The following TENM2 variants were observed in gnomAD, a reference collection of about 807,000 sequenced individuals.
TENM2 encodes teneurin transmembrane protein 2, also known as teneurin-2.
In TENM2, 52 loss-of-function variants were observed where a neutral mutation model predicts 245.2. The observed-to-expected ratio is 0.21, with a 90% CI of 0.17 to 0.27. The LOEUF (loss-of-function observed/expected upper bound fraction) is 0.27. Among genes scored for constraint, TENM2 ranks in the 10% least tolerant of loss-of-function variants. The pLI is 1.00. For missense variants in TENM2, 3,046 were observed against 3,666.8 expected (o/e 0.83, Z 4.37); for synonymous variants, 1,363 against 1,438.9 (o/e 0.95, Z 1.19).
Position 167,470,454 on chromosome 5 carries a change from C to CTTTTTTTTTTTTTTTTTTTTT in TENM2, c.502+94983_502+95003dup, listed in dbSNP as rs749016436. 7.2e-4 allele frequency among the ~76,000 whole-genome samples: 34 copies of CTTTTTTTTTTTTTTTTTTTTT among 47,398 alleles called. 6 individuals are homozygous for CTTTTTTTTTTTTTTTTTTTTT. The highest frequency in any genetic ancestry group is 2.4e-3 in the East Asian group (3 of 1,254). 31.1% of individuals were successfully genotyped at this position (47,398 alleles called of 152,430 possible). A position where few individuals can be genotyped will look rare whatever the true frequency, so the allele number is the denominator to read the frequency against. On this transcript the variant is annotated intron_variant, in intron 2 of 28. Coordinates refer to ENST00000518659, the Ensembl canonical transcript of TENM2. Reference sequence around the variant, plus strand: ...TACAGAGAGGTATGGGCAATGCTTGCTTTTTTTTTTTTTTTTTTTTTTGCT... The same window carrying CTTTTTTTTTTTTTTTTTTTTT: ...TACAGAGAGGTATGGGCAATGCTTGCTTTTTTTTTTTTTTTTTTTTTTTTTTTTTTTTTTTTTTTTTTTGCT...
chr5:167,102,690 G>A, the TENM2 span, among the ~76,000 whole-genome samples: 1 of 152,186 alleles, frequency 6.6e-6, no homozygotes, highest in East Asian at 1.9e-4. Flanking sequence ...ACATAGCCTC[G>A]CTCTGTTGCT....
chr5:167,458,798 G>GA (rs1766103713), intron 2 of TENM2, among the ~76,000 whole-genome samples: 1 of 152,208 alleles, frequency 6.6e-6, no homozygotes, highest in Admixed American at 6.5e-5. Flanking sequence ...TCACTGATGA[G>GA]AAAAAGAAGT....
chr5:167,177,006 C>G, the TENM2 span, among the ~76,000 whole-genome samples: 4 of 152,144 alleles, frequency 2.6e-5, no homozygotes, highest in African/African-American at 9.7e-5. Flanking sequence ...TTCCAAGTTC[C>G]CAGTATTGCT....
chr5:167,528,678 C>T (rs917083574), intron 2 of TENM2, among the ~76,000 whole-genome samples: 4 of 152,084 alleles, frequency 2.6e-5, no homozygotes, highest in South Asian at 2.1e-4. Context: ...ATACACTGTA[C>T]GGTGCTTAGC....
chr5:167,362,804 G>A (rs1195647436), intron 1 of TENM2, among the ~76,000 whole-genome samples: 1 of 152,080 alleles, frequency 6.6e-6, no homozygotes, highest in Non-Finnish European at 1.5e-5. Flanking sequence ...GGCAGAATAA[G>A]CTGAAAATAG....
At chr5:167,229,054 G>A in the TENM2 span, among the ~76,000 whole-genome samples, 2 of 152,202 alleles carry the variant, frequency 1.3e-5, no homozygotes, top group African/African-American at 2.4e-5. Context: ...ACCCGAAGAT[G>A]TATCTGTTGT....
At chr5:168,127,964 T>C (rs537251560) in intron 12 of TENM2, among the ~76,000 whole-genome samples, 1 of 152,174 alleles carries the variant, frequency 6.6e-6, no homozygotes, top group African/African-American at 2.4e-5. Context: ...CAGTCACAGA[T>C]GGGCCACCTG....
intron 1 of TENM2, among the ~76,000 whole-genome samples, chr5:167,348,040 G>A (rs540002370): frequency 6.6e-5 from 10 of 152,282 alleles, no homozygotes; most frequent in African/African-American, 2.4e-4. Context: ...GCAGGCAAGG[G>A]AATGTTCCCA....
At chr5:167,401,812 G>A (rs1420232572) in intron 2 of TENM2, among the ~76,000 whole-genome samples, 2 of 152,076 alleles carry the variant, frequency 1.3e-5, no homozygotes, top group African/African-American at 4.8e-5. Flanking sequence ...TTGTATTATT[G>A]TTGGATAGTT....
At chr5:167,102,946 C>A in the TENM2 span, among the ~76,000 whole-genome samples, 1 of 152,184 alleles carries the variant, frequency 6.6e-6, no homozygotes, top group Non-Finnish European at 1.5e-5. Flanking sequence ...AGGCATGAGC[C>A]ACCATGCCTG....
the TENM2 span, among the ~76,000 whole-genome samples, chr5:167,122,691 G>A: frequency 1.3e-5 from 2 of 152,144 alleles, no homozygotes; most frequent in Non-Finnish European, 2.9e-5. Context: ...GGTCAGCATC[G>A]TAGCTAATTG....
intron 2 of TENM2, among the ~76,000 whole-genome samples, chr5:167,820,062 A>T (rs1328369285): frequency 6.6e-6 from 1 of 152,116 alleles, no homozygotes; most frequent in East Asian, 1.9e-4. Flanking sequence ...GCATTTCCCA[A>T]ACTGTTATCT....
intron 13 of TENM2, among the ~76,000 whole-genome samples, chr5:168,176,114 A>G (rs10045434): frequency 0.016 from 2,446 of 152,208 alleles, 57 homozygotes; most frequent in African/African-American, 0.055. Context: ...CTCCACTCAG[A>G]TCATGCCAAC....
intron 2 of TENM2, among the ~76,000 whole-genome samples, chr5:167,836,317 A>G (rs762469778): frequency 1.3e-5 from 2 of 152,188 alleles, no homozygotes; most frequent in Non-Finnish European, 2.9e-5. Flanking sequence ...GGAGTTAACA[A>G]ACAGTCCCAT....
rs182000568 is a variant in TENM2, at chr5:167,331,662, T to C, written c.227-43536T>C. ...ATATTTTGAAAGAGTGTGAATACAA[T>C]GATGGCAAATGCAACTCTTCAAGAG... On this transcript the variant is annotated intron_variant, in intron 1 of 28. Coordinates refer to ENST00000518659, the Ensembl canonical transcript of TENM2. 1.5e-4 allele frequency among the ~76,000 whole-genome samples: 23 copies of C among 152,242 alleles called. No homozygotes were observed. In the East Asian group the frequency reaches 3.3e-3, roughly 22 times the overall value.
Position 167,592,047 on chromosome 5 carries a change from C to T in TENM2, c.502+216574C>T, listed in dbSNP as rs144479318. 3.5e-3 allele frequency among the ~76,000 whole-genome samples: 535 copies of T among 152,258 alleles called. 2 individuals are homozygous for T. Among genetic ancestry groups the T allele is most frequent in the Admixed American group, 8.6e-3 (132 of 15,296 alleles). On this transcript the variant is annotated intron_variant, in intron 2 of 28. Coordinates refer to ENST00000518659, the Ensembl canonical transcript of TENM2. ...TGGGTATTCCATGCCACAGTATACA[C>T]CAATACAGAATGAGGACAAGCGTTC... is the stretch of plus-strand genomic sequence containing the variant.
intron 2 of TENM2, among the ~76,000 whole-genome samples, chr5:167,832,531 G>A (rs1768594470): frequency 6.6e-6 from 1 of 152,240 alleles, no homozygotes; most frequent in African/African-American, 2.4e-5. Flanking sequence ...CGATGTTTAT[G>A]TAAGATGTTA....
At position 168,124,839 on chromosome 5, in the gene TENM2, G is replaced by GT. The variant is rs746185351; in HGVS notation, c.2009-4dup. 6.9e-6 allele frequency: 11 copies of GT among 1,599,180 alleles called. No homozygotes were observed. Among genetic ancestry groups the GT allele is most frequent in the South Asian group, 1.1e-5 (1 of 88,114 alleles). On this transcript the variant is annotated splice_polypyrimidine_tract_variant and intron_variant, in intron 10 of 28. Transcript: ENST00000518659. ...CTTTTATTCTTTGGTTTTTGTTTTT[G>GT]TTTTTTTCAGTTGATTGCTTGGATC...
chr5:167,008,542 G>A, the TENM2 span, among the ~76,000 whole-genome samples: 1 of 152,114 alleles, frequency 6.6e-6, no homozygotes, highest in East Asian at 1.9e-4. Flanking sequence ...CCTTACATTT[G>A]ATCAGTTTTG....
Sources: gnomAD v4.1 joint callset for allele counts (sites outside exome capture counted in the v4.1 genomes callset) on GRCh38, gnomAD v4.1.1 for gene constraint, MANE v1.5 for transcripts, NCBI Gene and HGNC (gene_info 2026-07-23, HGNC 2026-07-21) for gene names.